The following FARS2 variants were observed in gnomAD, a reference collection of about 807,000 sequenced individuals.
FARS2 encodes phenylalanine--tRNA ligase, mitochondrial.
A neutral mutation model predicts 46.4 loss-of-function variants in FARS2; 40 were observed. The ratio of observed to expected loss-of-function variants is 0.86; its 90% CI spans 0.67 to 1.12. The LOEUF (loss-of-function observed/expected upper bound fraction) is 1.12, where lower values mean the gene tolerates loss of function less well. FARS2 is among the 50% of genes most tolerant of loss of function. The pLI is 0.00. For missense variants in FARS2, 513 were observed against 567.9 expected, an observed-to-expected ratio of 0.90 and a Z score of 0.98; for synonymous variants, 234 against 214.9, an observed-to-expected ratio of 1.09 and a Z score of -0.78.
intron 1 of FARS2, among the ~76,000 whole-genome samples, chr6:5,277,151 G>A (rs919524899): frequency 2.6e-5 from 4 of 151,862 alleles, no homozygotes; most frequent in East Asian, 1.9e-4. Flanking sequence ...CGAGTGCAGC[G>A]TCATGTCACA....
intron 2 of FARS2, among the ~76,000 whole-genome samples, chr6:5,379,517 G>A (rs1251256238): frequency 2.0e-5 from 3 of 152,260 alleles, no homozygotes; most frequent in East Asian, 1.9e-4. Flanking sequence ...GGACTAAGAC[G>A]GGGACCCAGA....
intron 1 of FARS2, among the ~76,000 whole-genome samples, chr6:5,317,628 A>C (rs963523927): frequency 6.6e-6 from 1 of 151,860 alleles, no homozygotes; most frequent in Non-Finnish European, 1.5e-5. Flanking sequence ...AAAAATACAA[A>C]AATTAGCTGG....
chr6:5,380,251 A>G (rs927714364), intron 2 of FARS2, among the ~76,000 whole-genome samples: 1 of 152,210 alleles, frequency 6.6e-6, no homozygotes, highest in Non-Finnish European at 1.5e-5. Flanking sequence ...TATTCTTTAC[A>G]TCTCATTTCT....
intron 4 of FARS2, among the ~76,000 whole-genome samples, chr6:5,454,123 T>A (rs143790038): frequency 1.3e-5 from 2 of 152,100 alleles, no homozygotes; most frequent in Non-Finnish European, 2.9e-5. Context: ...ATGTCCCTGG[T>A]TTGTTTGTTT....
chr6:5,625,475 G>C (rs1472823996), intron 6 of FARS2, among the ~76,000 whole-genome samples: 1 of 152,182 alleles, frequency 6.6e-6, no homozygotes, highest in African/African-American at 2.4e-5. Context: ...GAAGGCAAGG[G>C]GCCAGCATAG....
At chr6:5,524,403 A>C (rs1345283697) in intron 4 of FARS2, among the ~76,000 whole-genome samples, 2 of 152,254 alleles carry the variant, frequency 1.3e-5, no homozygotes, top group Admixed American at 1.3e-4. Context: ...ATCCCTAAGC[A>C]GAATAAAAGC....
At chr6:5,319,654 C>T (rs1337854252) in intron 1 of FARS2, among the ~76,000 whole-genome samples, 1 of 152,196 alleles carries the variant, frequency 6.6e-6, no homozygotes, top group African/African-American at 2.4e-5. Flanking sequence ...CACTCCTGCT[C>T]TAAAAGTTGC....
intron 4 of FARS2, among the ~76,000 whole-genome samples, chr6:5,436,787 G>A (rs1209053648): frequency 1.3e-5 from 2 of 152,138 alleles, no homozygotes; most frequent in Non-Finnish European, 2.9e-5. Flanking sequence ...GTCTGGGATG[G>A]AGATCAAGAT....
chr6:5,280,939 C>T (rs1482657490), intron 1 of FARS2, among the ~76,000 whole-genome samples: 2 of 151,880 alleles, frequency 1.3e-5, no homozygotes, highest in African/African-American at 4.8e-5. Flanking sequence ...TTGTATTTTC[C>T]TTCCATTTTT....
intron 4 of FARS2, among the ~76,000 whole-genome samples, chr6:5,538,270 A>T (rs1770345651): frequency 6.6e-6 from 1 of 152,148 alleles, no homozygotes; most frequent in African/African-American, 2.4e-5. Context: ...CAGTACCTTT[A>T]AGTGTCTATG....
intron 4 of FARS2, among the ~76,000 whole-genome samples, chr6:5,522,304 A>G (rs144536447): frequency 6.6e-6 from 1 of 152,330 alleles, no homozygotes; most frequent in Non-Finnish European, 1.5e-5. Flanking sequence ...GCCACTAGCA[A>G]GAGGAAGGTC....
intron 6 of FARS2, among the ~76,000 whole-genome samples, chr6:5,692,379 C>T (rs1186086962): frequency 2.0e-5 from 3 of 152,224 alleles, no homozygotes; most frequent in Non-Finnish European, 1.5e-5. Context: ...ATCTCAACCT[C>T]AGCTGCCAAA....
intron 6 of FARS2, among the ~76,000 whole-genome samples, chr6:5,617,277 G>A (rs1775527914): frequency 1.3e-5 from 2 of 152,190 alleles, no homozygotes; most frequent in Admixed American, 1.3e-4. Flanking sequence ...TTAGAAATTT[G>A]AAAACATTCT....
intron 5 of FARS2, among the ~76,000 whole-genome samples, chr6:5,580,311 A>AGGAG (rs1458350888): frequency 8.4e-5 from 12 of 143,154 alleles, no homozygotes; most frequent in Non-Finnish European, 1.4e-4. Flanking sequence ...AAAAAAGAGA[A>AGGAG]GGAGGGAGGG....
intron 5 of FARS2, among the ~76,000 whole-genome samples, chr6:5,607,693 G>A (rs976626414): frequency 1.3e-5 from 2 of 151,992 alleles, no homozygotes; most frequent in Non-Finnish European, 2.9e-5. Context: ...CCCCCTCCTC[G>A]CCTGGCCAAT....
chr6:5,347,293 A>G (rs573909394), intron 1 of FARS2, among the ~76,000 whole-genome samples: 1 of 152,274 alleles, frequency 6.6e-6, no homozygotes, highest in East Asian at 1.9e-4. Context: ...CCTTTACCCC[A>G]AAAAGTCCCC....
intron 6 of FARS2, among the ~76,000 whole-genome samples, chr6:5,631,420 T>C (rs2150719242): frequency 6.6e-6 from 1 of 152,344 alleles, no homozygotes; most frequent in Non-Finnish European, 1.5e-5. Flanking sequence ...AGGAGATCAA[T>C]ATAGATATTC....
chr6:5,284,230 A>G (rs1459742700), intron 1 of FARS2, among the ~76,000 whole-genome samples: 1 of 152,202 alleles, frequency 6.6e-6, no homozygotes, highest in African/African-American at 2.4e-5. Context: ...TCATTTTGCT[A>G]TTCAGAGGTT....
intron 5 of FARS2, among the ~76,000 whole-genome samples, chr6:5,587,822 A>G (rs1388563046): frequency 5.3e-5 from 8 of 152,214 alleles, no homozygotes; most frequent in Admixed American, 1.3e-4. Flanking sequence ...CCTTGGGATC[A>G]TAACTCTCTA....
Sources: gnomAD v4.1 joint callset for allele counts (sites outside exome capture counted in the v4.1 genomes callset) on GRCh38, gnomAD v4.1.1 for gene constraint, MANE v1.5 for transcripts, NCBI Gene and HGNC (gene_info 2026-07-23, HGNC 2026-07-21) for gene names.